ROR2: variants seen among roughly 807,000 people sequenced by gnomAD.
The protein encoded by ROR2 is tyrosine-protein kinase transmembrane receptor ROR2.
Under a neutral mutation model 74.9 loss-of-function variants are expected in ROR2, and 33 were observed. The ratio of observed to expected loss-of-function variants is 0.44; its 90% CI spans 0.33 to 0.59. The LOEUF is 0.59. Among genes scored for constraint, ROR2 ranks in the 20% least tolerant of loss-of-function variants. ROR2 has a pLI of 0.02. For missense variants in ROR2, 1,216 were observed against 1,313.8 expected (o/e 0.93, Z 1.15); for synonymous variants, 586 against 558.7 (o/e 1.05, Z -0.69).
intron 1 of ROR2, among the ~76,000 whole-genome samples, chr9:91,788,297 A>C (rs1245235189): frequency 6.6e-6 from 1 of 152,246 alleles, no homozygotes; most frequent in Non-Finnish European, 1.5e-5. Context: ...AAATACTTGA[A>C]GAAAACATAA....
chr9:91,839,793 C>T (rs571903964), intron 1 of ROR2, among the ~76,000 whole-genome samples: 43 of 151,700 alleles, frequency 2.8e-4, no homozygotes, highest in Non-Finnish European at 5.6e-4. Context: ...TGATGTGTCC[C>T]GGGGGAGCCT....
chr9:91,899,098 G>A (rs994727298), intron 1 of ROR2, among the ~76,000 whole-genome samples: 1 of 152,230 alleles, frequency 6.6e-6, no homozygotes, highest in African/African-American at 2.4e-5. Flanking sequence ...AGCCCACCAG[G>A]TGGCCTCTTC....
chr9:91,919,590 GTTT>G (rs143540271), intron 1 of ROR2, among the ~76,000 whole-genome samples: 8,222 of 151,522 alleles, frequency 0.054, 472 homozygotes, highest in East Asian at 0.21. Flanking sequence ...CCTCATTTAG[GTTT>G]TTTTTTCTTT....
intron 1 of ROR2, among the ~76,000 whole-genome samples, chr9:91,943,251 C>T (rs1831925860): frequency 6.6e-6 from 1 of 152,136 alleles, no homozygotes; most frequent in Admixed American, 6.5e-5. Context: ...GGTTCTCTAG[C>T]TCCTTTAAGA....
intron 1 of ROR2, among the ~76,000 whole-genome samples, chr9:91,790,759 C>A (rs1290530224): frequency 6.6e-6 from 1 of 152,182 alleles, no homozygotes; most frequent in African/African-American, 2.4e-5. Flanking sequence ...TGAGACCCTG[C>A]AGTGGGACAA....
intron 2 of ROR2, among the ~76,000 whole-genome samples, chr9:91,760,884 A>G (rs1455485693): frequency 6.6e-6 from 1 of 152,144 alleles, no homozygotes; most frequent in Non-Finnish European, 1.5e-5. Context: ...AGATCTTCAC[A>G]TATATTTTTA....
intron 1 of ROR2, among the ~76,000 whole-genome samples, chr9:91,927,559 A>ATTTTTTTTTTT (rs1186182004): frequency 1.1e-4 from 11 of 100,130 alleles, no homozygotes; most frequent in East Asian, 5.5e-4. Context: ...TGTTTTCTAG[A>ATTTTTTTTTTT]TTCTTTTTTT....
At chr9:91,785,096 TAC>T (rs570172906) in intron 1 of ROR2, among the ~76,000 whole-genome samples, 13 of 151,534 alleles carry the variant, frequency 8.6e-5, no homozygotes, top group African/African-American at 1.5e-4. Flanking sequence ...CACACACGTA[TAC>T]ACACACACAC....
At chr9:91,761,793 T>C (rs1389558219) in intron 2 of ROR2, among the ~76,000 whole-genome samples, 2 of 152,180 alleles carry the variant, frequency 1.3e-5, no homozygotes, top group South Asian at 2.1e-4. Context: ...TATCAAAGAA[T>C]TGAAACTCAC....
At chr9:91,949,845 A>G in intron 1 of ROR2, 22 bp downstream of exon 1, 1 of 1,464,228 alleles carries the variant, frequency 6.8e-7, no homozygotes, top group Non-Finnish European at 9.3e-7. Flanking sequence ...GTCTGCGCAC[A>G]AGCCGGAACG....
chr9:91,868,403 AAG>A (rs1829702909), intron 1 of ROR2, among the ~76,000 whole-genome samples: 1 of 152,170 alleles, frequency 6.6e-6, no homozygotes, highest in South Asian at 2.1e-4. Context: ...AGAAGAAAAA[AAG>A]AGTGACGAAG....
At chr9:91,839,251 G>GGGGTGTGT (rs1491103564) in intron 1 of ROR2, among the ~76,000 whole-genome samples, 18 of 107,714 alleles carry the variant, frequency 1.7e-4, no homozygotes, top group South Asian at 3.1e-4. Flanking sequence ...TCAGATCGGG[G>GGGGTGTGT]GTGTGTGTGT....
intron 1 of ROR2, among the ~76,000 whole-genome samples, chr9:91,863,726 G>A (rs551324827): frequency 2.0e-5 from 3 of 152,224 alleles, no homozygotes; most frequent in South Asian, 2.1e-4. Flanking sequence ...ATGGAAAGGA[G>A]ATTCGCAGAT....
At chr9:91,788,733 C>T (rs577803387) in intron 1 of ROR2, among the ~76,000 whole-genome samples, 95 of 151,806 alleles carry the variant, frequency 6.3e-4, no homozygotes, top group African/African-American at 2.2e-3. Context: ...AGCGTGGTGG[C>T]GGGCACCTGT....
At chr9:91,779,683 C>G (rs575981025) in intron 1 of ROR2, among the ~76,000 whole-genome samples, 2 of 152,242 alleles carry the variant, frequency 1.3e-5, no homozygotes, top group African/African-American at 4.8e-5. Flanking sequence ...CTGGCCAATA[C>G]TTTACATTCT....
At chr9:91,790,473 G>A (rs4322069) in intron 1 of ROR2, among the ~76,000 whole-genome samples, 8,931 of 150,090 alleles carry the variant, frequency 0.06, 503 homozygotes, top group Admixed American at 0.17. Flanking sequence ...TCGCGCCACT[G>A]CACTCCAGCC....
chr9:91,812,628 G>A (rs563460630), intron 1 of ROR2, among the ~76,000 whole-genome samples: 6 of 152,072 alleles, frequency 3.9e-5, no homozygotes, highest in Admixed American at 3.9e-4. Flanking sequence ...ATAGGCCTTG[G>A]ATTGGAGCTG....
chr9:91,739,157 G>C (rs1003569690), intron 4 of ROR2, among the ~76,000 whole-genome samples: 5 of 152,084 alleles, frequency 3.3e-5, no homozygotes, highest in African/African-American at 1.2e-4. Context: ...GAGAGCACTC[G>C]GCTTTCCATT....
At chr9:91,832,449 T>C (rs6479374) in intron 1 of ROR2, among the ~76,000 whole-genome samples, 56,099 of 148,050 alleles carry the variant, frequency 0.38, 11,835 homozygotes, top group African/African-American at 0.55. Context: ...ATCAGTCAAA[T>C]GCAACTCTAG....
Sources: gnomAD v4.1 joint callset for allele counts (sites outside exome capture counted in the v4.1 genomes callset) on GRCh38, gnomAD v4.1.1 for gene constraint, MANE v1.5 for transcripts, NCBI Gene and HGNC (gene_info 2026-07-23, HGNC 2026-07-21) for gene names.